The following OR10A6 variants were observed in gnomAD, a reference collection of about 807,000 sequenced individuals.
The protein encoded by OR10A6 is olfactory receptor family 10 subfamily A member 6 (gene/pseudogene).
A neutral mutation model predicts 1.5 loss-of-function variants in OR10A6; 2 were observed. The observed-to-expected ratio is 1.31, with a 90% CI of 0.54 to 4.13. The LOEUF (loss-of-function observed/expected upper bound fraction) is 4.13, where lower values mean the gene tolerates loss of function less well. Ranked by LOEUF, OR10A6 falls within the 30% of genes most tolerant of loss-of-function variation. OR10A6 has a pLI of 0.07. For missense variants in OR10A6, 492 were observed against 368.6 expected (o/e 1.33, Z -2.74); for synonymous variants, 169 against 137.3 (o/e 1.23, Z -1.61).
chr11:7,925,142 G>A lies in OR10A6; in HGVS notation c.*2576C>T, dbSNP rs562424617. The A allele has an allele frequency of 3.3e-5, 5 of 152,010 alleles. No homozygotes were observed. The highest frequency in any genetic ancestry group is 6.6e-5 in the Admixed American group (1 of 15,266). The allele number at this position is 152,010 out of a possible 1,614,324, so 9.4% of individuals were successfully genotyped here. A position where few individuals can be genotyped will look rare whatever the true frequency, so the allele number is the denominator to read the frequency against. On this transcript the variant is annotated 3_prime_UTR_variant, in exon 4 of 4. Coordinates refer to ENST00000641238, the MANE Select transcript of OR10A6 (RefSeq NM_001004461.2). ...GAAAACTAGCAGCAGTAGCAGCCAC[G>A]GTGACTATAACTAAAAATCACCATG...
At position 7,926,474 on chromosome 11, in the gene OR10A6, A is replaced by G. The variant is rs1859402626; in HGVS notation, c.*1244T>C. On this transcript the variant is annotated 3_prime_UTR_variant, in exon 4 of 4. Coordinates refer to ENST00000641238, the MANE Select transcript of OR10A6 (RefSeq NM_001004461.2). Reference sequence around the variant, plus strand: ...CCCACAAGGTTCCAGCCTTCTTCTCATGAAATTTCTCTCTTTTTTTGAAAT... The same window carrying G: ...CCCACAAGGTTCCAGCCTTCTTCTCGTGAAATTTCTCTCTTTTTTTGAAAT... The G allele has an allele frequency of 6.6e-6, 1 of 152,240 alleles. No individual in the cohort carries two copies. Among genetic ancestry groups the G allele is most frequent in the Non-Finnish European group, 1.5e-5 (1 of 68,038 alleles). 9.4% of individuals were successfully genotyped at this position (152,240 alleles called of 1,614,324 possible). A position where few individuals can be genotyped will look rare whatever the true frequency, so the allele number is the denominator to read the frequency against.
Position 7,927,876 on chromosome 11 carries a change from T to C in OR10A6, c.787A>G (p.Lys263Glu). ...TTGGTTTCCGGTGAGTAGCCAGATT[T>C]GGGTTGTAAATAAGTCATACTGGCT... Reference protein sequence around the residue: ...GTASMTYLQPKSGYSPETKKV... With the variant: ...GTASMTYLQPESGYSPETKKV... Residue 263 changes from lysine to glutamate, a missense_variant, in exon 4 of 4, where the codon AAA (lysine) becomes GAA (glutamate). Physicochemically the swap from Lys to Glu is moderately conservative, Grantham distance 56 (BLOSUM62 1). Coordinates refer to ENST00000641238, the MANE Select transcript of OR10A6 (RefSeq NM_001004461.2). The C allele has an allele frequency of 6.2e-7, 1 of 1,613,940 alleles. No individual in the cohort carries two copies. Among genetic ancestry groups the C allele is most frequent in the Non-Finnish European group, 8.5e-7 (1 of 1,179,956 alleles).
Position 7,928,695 on chromosome 11 carries a change from G to A in OR10A6, c.-33C>T. On this transcript the variant is annotated 5_prime_UTR_variant, in exon 4 of 4. Coordinates refer to ENST00000641238, the MANE Select transcript of OR10A6 (RefSeq NM_001004461.2). Reference sequence around the variant, plus strand: ...AATGAAGTCGTGCATTGATTTTATGGACATAGTATATACAGAATAAAGCCA... The same window carrying A: ...AATGAAGTCGTGCATTGATTTTATGAACATAGTATATACAGAATAAAGCCA... 1 of 1,485,086 alleles carries A rather than the reference G, an allele frequency of 6.7e-7. No individual in the cohort carries two copies. Among genetic ancestry groups the A allele is most frequent in the Non-Finnish European group, 9.2e-7 (1 of 1,086,450 alleles). The allele number at this position is 1,485,086 out of a possible 1,614,324, so 92.0% of individuals were successfully genotyped here.
chr11:7,928,142 A>G lies in OR10A6; in HGVS notation c.521T>C (p.Ile174Thr). 1.2e-6 allele frequency: 2 copies of G among 1,614,000 alleles called. 1 individual carries two copies. The highest frequency in any genetic ancestry group is 2.2e-5 in the South Asian group (2 of 91,084). The change falls in exon 4 of 4, where the codon ATT (isoleucine) becomes ACT (threonine). Residue 174 changes from isoleucine (I) to threonine (T), a missense_variant. By Grantham distance (89) the Ile-to-Thr change is moderately conservative. Transcript: ENST00000641238. ...TGGGGTTTCACAAGATATATGGTTA[A>G]TTTCATTAAGGCCACAAAAGGGAAA... ...SSFPFCGLNE[I>T]NHISCETPAV...
chr11:7,925,221 A>C lies in OR10A6; in HGVS notation c.*2497T>G, dbSNP rs1859373034. On this transcript the variant is annotated 3_prime_UTR_variant, in exon 4 of 4. Coordinates refer to ENST00000641238, the MANE Select transcript of OR10A6 (RefSeq NM_001004461.2). ...AGGCTATTATGTGTGAAGCATACTA[A>C]CAATTTCTATTCATCAGAATAACAT... 6.6e-6 allele frequency: 1 copy of C among 152,216 alleles called. No individual in the cohort carries two copies. Among genetic ancestry groups the C allele is most frequent in the Non-Finnish European group, 1.5e-5 (1 of 68,032 alleles). The allele number at this position is 152,216 out of a possible 1,614,324, so 9.4% of individuals were successfully genotyped here. A position where few individuals can be genotyped will look rare whatever the true frequency, so the allele number is the denominator to read the frequency against.
Position 7,928,224 on chromosome 11 carries a change from A to G in OR10A6, c.439T>C (p.Phe147Leu), listed in dbSNP as rs1859454344. Residue 147 changes from phenylalanine to leucine, a missense_variant, in exon 4 of 4, where the codon TTT becomes CTT. Coordinates refer to ENST00000641238, the MANE Select transcript of OR10A6 (RefSeq NM_001004461.2). ...NKGVFMKLIIFSWALGFMLGT... is the reference protein window; with the variant it reads ...NKGVFMKLIILSWALGFMLGT... ...AACATAAAACCTAAGGCCCATGAAA[A>G]TATAATTAATTTCATAAAAACTCCT... The G allele has an allele frequency of 6.2e-7, 1 of 1,610,484 alleles. No individual in the cohort carries two copies. The highest frequency in any genetic ancestry group is 8.5e-7 in the Non-Finnish European group (1 of 1,177,694).
In OR10A6 at chr11:7,928,581, AGAGCTGCCCCTG is replaced by A; in HGVS notation, c.70_81del (p.Gln24_Leu27del). ...AGATAAATAACCAGGAAAGCCACAA[AGAGCTGCCCCTG>A]GAGCTCAGGATAGTTAGAAAAGCCC... is the stretch of plus-strand genomic sequence containing the variant. On this transcript the variant is annotated inframe_deletion, in exon 4 of 4. Coordinates refer to ENST00000641238, the MANE Select transcript of OR10A6 (RefSeq NM_001004461.2). 1.9e-6 allele frequency: 3 copies of A among 1,613,934 alleles called. No homozygotes were observed. The highest frequency in any genetic ancestry group is 1.7e-6 in the Non-Finnish European group (2 of 1,179,876).
Position 7,925,099 on chromosome 11 carries a change from G to A in OR10A6, c.*2619C>T, listed in dbSNP as rs191156992. 81 of 152,100 alleles carry A rather than the reference G, an allele frequency of 5.3e-4. No individual in the cohort carries two copies. The highest frequency in any genetic ancestry group is 2.2e-3 in the Admixed American group (33 of 15,270). 9.4% of individuals were successfully genotyped at this position (152,100 alleles called of 1,614,324 possible). A position where few individuals can be genotyped will look rare whatever the true frequency, so the allele number is the denominator to read the frequency against. On this transcript the variant is annotated 3_prime_UTR_variant, in exon 4 of 4. Coordinates refer to ENST00000641238, the MANE Select transcript of OR10A6 (RefSeq NM_001004461.2). ...GGGGTTTTCTCTATTAAAGAAAAAG[G>A]AGAATGGGCATAAACTAGAAAACTA... is the stretch of plus-strand genomic sequence containing the variant.
Position 7,925,576 on chromosome 11 carries a change from T to C in OR10A6, c.*2142A>G, listed in dbSNP as rs1000932117. On this transcript the variant is annotated 3_prime_UTR_variant, in exon 4 of 4. Transcript: ENST00000641238. ...TCTTAAGACATTTTTATAAAGAATTTTTTTTAAGAAAAAAATTGGTTTACA... is the reference window on the plus strand; with the variant it reads ...TCTTAAGACATTTTTATAAAGAATTCTTTTTAAGAAAAAAATTGGTTTACA... 4.6e-5 allele frequency: 7 copies of C among 152,170 alleles called. No individual in the cohort carries two copies. Among genetic ancestry groups the C allele is most frequent in the Non-Finnish European group, 1.0e-4 (7 of 68,036 alleles). 9.4% of individuals were successfully genotyped at this position (152,170 alleles called of 1,614,324 possible). A position where few individuals can be genotyped will look rare whatever the true frequency, so the allele number is the denominator to read the frequency against.
rs763377669 is a variant in OR10A6, at chr11:7,928,441, A to C, written c.222T>G (p.Ser74Arg). 5.6e-6 allele frequency: 9 copies of C among 1,613,452 alleles called. No homozygotes were observed. Among genetic ancestry groups the C allele is most frequent in the South Asian group, 1.1e-5 (1 of 91,044 alleles). ...LNLSVVDLSF[S>R]AVIMPEMLVV... ...CCAGCATTTCAGGCATAATAACTGCACTGAAACTCAGGTCCACCACAGATA... is the reference window on the plus strand; with the variant it reads ...CCAGCATTTCAGGCATAATAACTGCCCTGAAACTCAGGTCCACCACAGATA... The change falls in exon 4 of 4, where the codon AGT becomes AGG. Residue 74 changes from serine (S) to arginine (R), a missense_variant. Coordinates refer to ENST00000641238, the MANE Select transcript of OR10A6 (RefSeq NM_001004461.2).
At position 7,927,988 on chromosome 11, in the gene OR10A6, G is replaced by T; in HGVS notation, c.675C>A (p.Ile225=). Residue 225 remains isoleucine (I), a synonymous_variant, in exon 4 of 4, where the codon ATC becomes ATA. Transcript: ENST00000641238. ...LLSYIRVLFA[I]LKMPSTTGRQ... The stretch of plus-strand genomic sequence containing the variant: ...TCCCAGTGGTTGATGGCATCTTCAG[G>T]ATGGCAAACAGAACTCGAATGTAAG... 1 of 1,613,938 alleles carries T rather than the reference G, an allele frequency of 6.2e-7. No individual in the cohort carries two copies. The highest frequency in any genetic ancestry group is 8.5e-7 in the Non-Finnish European group (1 of 1,179,980).
At chr11:7,930,576 C>T (rs1006378207) in intron 3 of OR10A6, 61 bp from the exon 4 acceptor site, 4 of 152,062 alleles carry the variant, frequency 2.6e-5, no homozygotes, top group Non-Finnish European at 5.9e-5. Flanking sequence ...TGTCCATAGT[C>T]ATGTATTAAA....
rs926270882 is a variant in OR10A6 at position 7,928,729 on chromosome 11, T to G, written c.-67A>C. 3 of 1,163,800 alleles carry G rather than the reference T, an allele frequency of 2.6e-6. No homozygotes were observed. In the African/African-American group the frequency reaches 4.7e-5, roughly 18 times the overall value. 72.1% of individuals were successfully genotyped at this position (1,163,800 alleles called of 1,614,324 possible). On this transcript the variant is annotated 5_prime_UTR_variant, in exon 4 of 4. An upstream open reading frame in the 5' UTR loses its in-frame stop. Coordinates refer to ENST00000641238, the MANE Select transcript of OR10A6 (RefSeq NM_001004461.2). ...TATACAGAATAAAGCCACAGTCCAT[T>G]AGCTAAGAGTTCCAGTCTGCATTCA...
rs779098691 is a variant in OR10A6 at position 7,928,302 on chromosome 11, C to T, written c.361G>A (p.Asp121Asn). The stretch of plus-strand genomic sequence containing the variant: ...GGATGGCAAATTGCAGCAAATCGGT[C>T]ATAAGCCATTGCTCCCAGAAGAAAA... ...ECFLLGAMAY[D>N]RFAAICHPLN... Residue 121 changes from aspartate to asparagine, a missense_variant, in exon 4 of 4, where the codon GAC becomes AAC. Coordinates refer to ENST00000641238, the MANE Select transcript of OR10A6 (RefSeq NM_001004461.2). The T allele has an allele frequency of 3.7e-6, 6 of 1,613,768 alleles. No homozygotes were observed. The East Asian group carries it at 1.1e-4, about 30-fold the overall frequency.
In OR10A6 at chr11:7,924,831, C is replaced by G. The variant is rs1434648115; in HGVS notation, c.*2887G>C. 2 of 152,128 alleles carry G rather than the reference C, an allele frequency of 1.3e-5. No individual in the cohort carries two copies. 9.4% of individuals were successfully genotyped at this position (152,128 alleles called of 1,614,324 possible). On this transcript the variant is annotated 3_prime_UTR_variant, in exon 4 of 4. Transcript: ENST00000641238. The stretch of plus-strand genomic sequence containing the variant: ...AAGATAGCTGCACTATCTCTAGCCT[C>G]ATGGCTTGTTTCAGGTAGAAGGAAG...
chr11:7,926,760 A>G lies in OR10A6; in HGVS notation c.*958T>C, dbSNP rs1394387587. ...TATATTTCAATGTTGCAATGTGTCT[A>G]ATTATTCATCTTTATATATAACTAG... On this transcript the variant is annotated 3_prime_UTR_variant, in exon 4 of 4. Coordinates refer to ENST00000641238, the MANE Select transcript of OR10A6 (RefSeq NM_001004461.2). The G allele has an allele frequency of 6.6e-6, 1 of 152,172 alleles. No individual in the cohort carries two copies. Among genetic ancestry groups the G allele is most frequent in the African/African-American group, 2.4e-5 (1 of 41,458 alleles). The allele number at this position is 152,172 out of a possible 1,614,324, so 9.4% of individuals were successfully genotyped here.
chr11:7,928,098 A>G lies in OR10A6; in HGVS notation c.565T>C (p.Cys189Arg), dbSNP rs1440208447. The change falls in exon 4 of 4, where the codon TGT becomes CGT. Residue 189 changes from cysteine (C) to arginine (R), a missense_variant. Transcript: ENST00000641238. ...CETPAVLELA[C>R]ADTFLFEIYA... is the part of the protein sequence containing the mutation. Reference sequence around the variant, plus strand: ...ATTTCAAACAAAAACGTGTCTGCACATGCAAGTTCTAACACTGCTGGGGTT... The same window carrying G: ...ATTTCAAACAAAAACGTGTCTGCACGTGCAAGTTCTAACACTGCTGGGGTT... 6.2e-6 allele frequency: 10 copies of G among 1,613,918 alleles called. No homozygotes were observed. The South Asian group carries it at 6.6e-5, about 11-fold the overall frequency.
In OR10A6 at chr11:7,926,752, A is replaced by G. The variant is rs1859409153; in HGVS notation, c.*966T>C. 6.6e-6 allele frequency: 1 copy of G among 152,206 alleles called. No individual in the cohort carries two copies. Among genetic ancestry groups the G allele is most frequent in the Non-Finnish European group, 1.5e-5 (1 of 68,036 alleles). 9.4% of individuals were successfully genotyped at this position (152,206 alleles called of 1,614,324 possible). ...TGAAATGTTATATTTCAATGTTGCA[A>G]TGTGTCTAATTATTCATCTTTATAT... On this transcript the variant is annotated 3_prime_UTR_variant, in exon 4 of 4. Coordinates refer to ENST00000641238, the MANE Select transcript of OR10A6 (RefSeq NM_001004461.2).
Position 7,927,445 on chromosome 11 carries a change from T to C in OR10A6, c.*273A>G, listed in dbSNP as rs148964068. On this transcript the variant is annotated 3_prime_UTR_variant, in exon 4 of 4. Coordinates refer to ENST00000641238, the MANE Select transcript of OR10A6 (RefSeq NM_001004461.2). ...ATAAAAACTGGTTGTTTTAGTATTA[T>C]CTATTGTGACAAAAAAATAACCATC... 1 of 344,870 alleles carries C rather than the reference T, an allele frequency of 2.9e-6. No homozygotes were observed. The highest frequency in any genetic ancestry group is 4.5e-5 in the Admixed American group (1 of 22,366). 21.4% of individuals were successfully genotyped at this position (344,870 alleles called of 1,614,324 possible). A position where few individuals can be genotyped will look rare whatever the true frequency, so the allele number is the denominator to read the frequency against.
Sources: allele counts gnomAD v4.1 joint callset, GRCh38; gene constraint gnomAD v4.1.1; transcripts MANE v1.5; gene names NCBI Gene and HGNC (gene_info 2026-07-23, HGNC 2026-07-21).